Variants in ETS2 observed in about 807,000 individuals in gnomAD.
The protein encoded by ETS2 is ETS proto-oncogene 2, transcription factor.
Under a neutral mutation model 54.9 loss-of-function variants are expected in ETS2, and 19 were observed. The observed-to-expected ratio is 0.35, with a 90% CI of 0.24 to 0.51. The LOEUF (loss-of-function observed/expected upper bound fraction) is 0.51. Ranked by LOEUF, ETS2 falls within the 20% of genes least tolerant of loss-of-function variation. ETS2 has a pLI of 0.97. For missense variants in ETS2, 417 were observed against 593.0 expected (o/e 0.70, Z 3.08); for synonymous variants, 219 against 229.3 (o/e 0.95, Z 0.41).
In ETS2 at chr21:38,814,580, A is replaced by G. The variant is rs1401536231; in HGVS notation, c.304+188A>G. On this transcript the variant is annotated intron_variant, in intron 4 of 9. Coordinates refer to ENST00000360938, the MANE Select transcript of ETS2 (RefSeq NM_005239.6). The surrounding 1 kb of genome is among the most constrained non-coding windows in gnomAD (Gnocchi z 4.2). ...AGACTTGATCCAGAACTCATTAAAT[A>G]TGTAGTAGAAGGACGCATTACTGGT... Among the ~76,000 whole-genome samples, 2 of 152,236 alleles carry G rather than the reference A, an allele frequency of 1.3e-5. No homozygotes were observed. The highest frequency in any genetic ancestry group is 2.9e-5 in the Non-Finnish European group (2 of 68,040).
At chr21:38,819,195 G>A (rs1006196671) in intron 7 of ETS2, among the ~76,000 whole-genome samples, 6 of 152,190 alleles carry the variant, frequency 3.9e-5, no homozygotes, top group African/African-American at 1.4e-4. Flanking sequence ...TTTTGTGTTT[G>A]TCTTTTACTC....
chr21:38,805,501 C>T (rs1336147377), upstream of ETS2: 1 of 1,287,954 alleles, frequency 7.8e-7, no homozygotes, highest in East Asian at 5.6e-5. This position sits in a 1 kb window ranked among gnomAD's most constrained non-coding sequence, Gnocchi z 5.2. Flanking sequence ...CGGAAAGTCT[C>T]CGCCCGGCTC....
At chr21:38,805,924 G>A (rs1006361211), upstream of ETS2, 4 of 1,250,356 alleles carry the variant, frequency 3.2e-6, no homozygotes, top group African/African-American at 1.6e-5. The surrounding 1 kb of genome is among the most constrained non-coding windows in gnomAD (Gnocchi z 5.2). Context: ...CGTGGGGGAC[G>A]GCCCGGTTAC....
chr21:38,824,267 ATTC>A lies in ETS2; in HGVS notation c.*1381_*1383del, dbSNP rs2060970206. ...TCAGTGTCCACAGCAAGATGACGTG[ATTC>A]TTATTTTCTTGGACACAGACTATTC... is the stretch of plus-strand genomic sequence containing the variant. On this transcript the variant is annotated 3_prime_UTR_variant, in exon 10 of 10. Transcript: ENST00000360938. 1 of 152,366 alleles carries A rather than the reference ATTC, an allele frequency of 6.6e-6. No individual in the cohort carries two copies. The highest frequency in any genetic ancestry group is 2.4e-5 in the African/African-American group (1 of 41,440). 9.4% of individuals were successfully genotyped at this position (152,366 alleles called of 1,614,324 possible). A position where few individuals can be genotyped will look rare whatever the true frequency, so the allele number is the denominator to read the frequency against.
In ETS2 at chr21:38,821,852, G is replaced by T; in HGVS notation, c.1194+148G>T. On this transcript the variant is annotated intron_variant, in intron 9 of 9. Transcript: ENST00000360938. The surrounding 1 kb of genome is among the most constrained non-coding windows in gnomAD (Gnocchi z 4.2). The stretch of plus-strand genomic sequence containing the variant: ...AGGCATCCTTGGCTGTTGGGAAAAT[G>T]GAAGTGGAGTCATTGCTTTGTTGAT... 1 of 670,068 alleles carries T rather than the reference G, an allele frequency of 1.5e-6. No individual in the cohort carries two copies. Among genetic ancestry groups the T allele is most frequent in the Non-Finnish European group, 2.7e-6 (1 of 374,420 alleles). The allele number at this position is 670,068 out of a possible 1,614,324, so 41.5% of individuals were successfully genotyped here. A position where few individuals can be genotyped will look rare whatever the true frequency, so the allele number is the denominator to read the frequency against.
Position 38,823,089 on chromosome 21 carries a change from T to G in ETS2, c.*200T>G, listed in dbSNP as rs886436632. 9 of 447,810 alleles carry G rather than the reference T, an allele frequency of 2.0e-5. No homozygotes were observed. Among genetic ancestry groups the G allele is most frequent in the African/African-American group, 1.8e-4 (9 of 49,674 alleles). The allele number at this position is 447,810 out of a possible 1,614,324, so 27.7% of individuals were successfully genotyped here. A position where few individuals can be genotyped will look rare whatever the true frequency, so the allele number is the denominator to read the frequency against. On this transcript the variant is annotated 3_prime_UTR_variant, in exon 10 of 10. Coordinates refer to ENST00000360938, the MANE Select transcript of ETS2 (RefSeq NM_005239.6). ...TTGTGGCAGCAACGGCACAGCTAAT[T>G]CTACTCACAGTGCTTTTAAGTGAAA...
Position 38,814,496 on chromosome 21 carries a change from A to G in ETS2, c.304+104A>G. 1 of 1,412,080 alleles carries G rather than the reference A, an allele frequency of 7.1e-7. No individual in the cohort carries two copies. The highest frequency in any genetic ancestry group is 2.3e-5 in the East Asian group (1 of 43,570). 87.5% of individuals were successfully genotyped at this position (1,412,080 alleles called of 1,614,324 possible). A position where few individuals can be genotyped will look rare whatever the true frequency, so the allele number is the denominator to read the frequency against. On this transcript the variant is annotated intron_variant, in intron 4 of 9. Transcript: ENST00000360938. The surrounding 1 kb of genome is among the most constrained non-coding windows in gnomAD (Gnocchi z 4.2). ...TAAGCTTTTGCTTGGGGTATTCTGC[A>G]AAGAGTAGCATGGATGTCGTTAACC...
chr21:38,822,744 G>A lies in ETS2; in HGVS notation c.1265G>A (p.Arg422His). The A allele has an allele frequency of 1.2e-6, 2 of 1,614,216 alleles. No individual in the cohort carries two copies. Among genetic ancestry groups the A allele is most frequent in the Non-Finnish European group, 1.7e-6 (2 of 1,180,030 alleles). Residue 422 changes from arginine (R) to histidine (H), a missense_variant, in exon 10 of 10, where the codon CGC (arginine) becomes CAC (histidine). Transcript: ENST00000360938. The part of the protein sequence containing the change: ...MNYEKLSRGL[R>H]YYYDKNIIHK... ...TACGAGAAGCTGAGCCGGGGCTTAC[G>A]CTACTATTACGACAAGAACATCATC...
At chr21:38,812,638 A>C (rs1285217089) in intron 2 of ETS2, among the ~76,000 whole-genome samples, 1 of 152,118 alleles carries the variant, frequency 6.6e-6, no homozygotes, top group African/African-American at 2.4e-5. Context: ...AAAATTATCC[A>C]GGCGTGGTGG....
chr21:38,806,374 C>T lies in ETS2; in HGVS notation c.-1+254C>T, dbSNP rs1480442405. ...CCGGGGGGTTCCTGCGTGCTAGGGC[C>T]GCTGTCTTCGGGGTCGCCTAGCGGC... is the stretch of plus-strand genomic sequence containing the variant. On this transcript the variant is annotated intron_variant, in intron 1 of 9. Coordinates refer to ENST00000360938, the MANE Select transcript of ETS2 (RefSeq NM_005239.6). This position sits in a 1 kb window ranked among gnomAD's most constrained non-coding sequence, Gnocchi z 4.3. 4 of 984,510 alleles carry T rather than the reference C, an allele frequency of 4.1e-6. No homozygotes were observed. Among genetic ancestry groups the T allele is most frequent in the East Asian group, 1.1e-4 (1 of 8,782 alleles). The allele number at this position is 984,510 out of a possible 1,614,324, so 61.0% of individuals were successfully genotyped here.
intron 2 of ETS2, among the ~76,000 whole-genome samples, chr21:38,810,484 A>G (rs2060909962): frequency 6.6e-6 from 1 of 152,206 alleles, no homozygotes; most frequent in Non-Finnish European, 1.5e-5. Flanking sequence ...GAAATGAGAG[A>G]GAAGAGGCAG....
chr21:38,811,357 C>T (rs1170757289), intron 2 of ETS2, among the ~76,000 whole-genome samples: 3 of 152,170 alleles, frequency 2.0e-5, no homozygotes, highest in African/African-American at 4.8e-5. Flanking sequence ...CGGTTTTCCT[C>T]GTAGATCTCA....
In ETS2 at chr21:38,806,314, G is replaced by C; in HGVS notation, c.-1+194G>C. 2.1e-6 allele frequency: 2 copies of C among 956,960 alleles called. No individual in the cohort carries two copies. Among genetic ancestry groups the C allele is most frequent in the Non-Finnish European group, 2.5e-6 (2 of 803,862 alleles). The allele number at this position is 956,960 out of a possible 1,614,324, so 59.3% of individuals were successfully genotyped here. A position where few individuals can be genotyped will look rare whatever the true frequency, so the allele number is the denominator to read the frequency against. On this transcript the variant is annotated intron_variant, in intron 1 of 9. Coordinates refer to ENST00000360938, the MANE Select transcript of ETS2 (RefSeq NM_005239.6). This position sits in a 1 kb window ranked among gnomAD's most constrained non-coding sequence, Gnocchi z 4.3. ...TGAGTTCCGCGCCGGCTCGTTTTCC[G>C]GTTATGGAGTGGCCTCCGGGGCTGG...
intron 2 of ETS2, among the ~76,000 whole-genome samples, chr21:38,812,008 G>T (rs767485133): frequency 6.6e-6 from 1 of 152,180 alleles, no homozygotes; most frequent in Non-Finnish European, 1.5e-5. Context: ...AAGCCACCCC[G>T]CCTGGCCTGG....
chr21:38,807,789 C>T (rs750241309), intron 1 of ETS2, among the ~76,000 whole-genome samples: 1 of 152,164 alleles, frequency 6.6e-6, no homozygotes, highest in Non-Finnish European at 1.5e-5. Context: ...AGCTGAAAAA[C>T]AGAATCAAGT....
At position 38,813,004 on chromosome 21, in the gene ETS2, G is replaced by A. The variant is rs771933020; in HGVS notation, c.74G>A (p.Arg25His). ...VANSYRGTLK[R>H]QPAFDTFDGS... ...TTTTTTTTCCATCTGTTTTTGCAGC[G>A]CCAGCCAGCCTTTGACACCTTTGAT... The change falls in exon 3 of 10, where the codon CGC becomes CAC. Residue 25 changes from arginine to histidine, a missense_variant and splice_region_variant. Arg to His is a conservative substitution (Grantham distance 29). Coordinates refer to ENST00000360938, the MANE Select transcript of ETS2 (RefSeq NM_005239.6). 2.1e-5 allele frequency: 33 copies of A among 1,609,694 alleles called. No homozygotes were observed. The highest frequency in any genetic ancestry group is 5.5e-5 in the South Asian group (5 of 90,968).
rs1319250056 is a variant in ETS2, at chr21:38,814,210, TA to T, written c.185-60del. The T allele has an allele frequency of 2.6e-6, 4 of 1,552,092 alleles. No homozygotes were observed. The highest frequency in any genetic ancestry group is 2.6e-6 in the Non-Finnish European group (3 of 1,133,906). On this transcript the variant is annotated intron_variant, in intron 3 of 9. Coordinates refer to ENST00000360938, the MANE Select transcript of ETS2 (RefSeq NM_005239.6). The surrounding 1 kb of genome is among the most constrained non-coding windows in gnomAD (Gnocchi z 4.2). ...TTTCCAAAAACTAAGATGTCTCTCC[TA>T]AATCTCCACCTGATATCACCAACTT...
At position 38,823,251 on chromosome 21, in the gene ETS2, C is replaced by T; in HGVS notation, c.*362C>T. 1 of 170,280 alleles carries T rather than the reference C, an allele frequency of 5.9e-6. No individual in the cohort carries two copies. Among genetic ancestry groups the T allele is most frequent in the Non-Finnish European group, 1.2e-5 (1 of 80,218 alleles). The allele number at this position is 170,280 out of a possible 1,614,324, so 10.5% of individuals were successfully genotyped here. The stretch of plus-strand genomic sequence containing the variant: ...CAGACTATTTTTAGATTTTCTTTTG[C>T]CTTTTGCAACCAGGAACAGCAAATG... On this transcript the variant is annotated 3_prime_UTR_variant, in exon 10 of 10. Transcript: ENST00000360938.
intron 5 of ETS2, 57 bp downstream of exon 5, chr21:38,815,038 T>C (rs2060927774): frequency 1.3e-6 from 2 of 1,560,128 alleles, no homozygotes; most frequent in Non-Finnish European, 1.8e-6. Context: ...CCGGGAAGAC[T>C]GATTGGGAAA....
Sources: gnomAD v4.1 joint callset for allele counts (sites outside exome capture counted in the v4.1 genomes callset) on GRCh38, gnomAD v4.1.1 for gene constraint, Gnocchi (gnomAD v3.1) non-coding constraint, MANE v1.5 for transcripts, NCBI Gene and HGNC (gene_info 2026-07-23, HGNC 2026-07-21) for gene names.